ZNF180: variants seen among roughly 807,000 people sequenced by gnomAD.
The protein encoded by ZNF180 is zinc finger protein 180 (HHZ168).
ZNF180 carries 11 observed loss-of-function variants against 11.8 expected under a neutral mutation model. The observed-to-expected ratio is 0.93, with a 90% CI of 0.59 to 1.55. The LOEUF (loss-of-function observed/expected upper bound fraction) is 1.55. ZNF180 is among the 40% of genes most tolerant of loss of function. The pLI, the probability that ZNF180 is intolerant of heterozygous loss-of-function variation, is 0.00. For missense variants in ZNF180, 773 were observed against 781.7 expected, an observed-to-expected ratio of 0.99 and a Z score of 0.13; for synonymous variants, 287 against 257.7, an observed-to-expected ratio of 1.11 and a Z score of -1.09.
intron 1 of ZNF180, 121 bp downstream of exon 1, chr19:44,500,154 A>G: frequency 6.2e-7 from 1 of 1,613,944 alleles, no homozygotes; most frequent in Non-Finnish European, 8.5e-7. Context: ...ACCCGAGGCT[A>G]AAGCGCCACC....
intron 2 of ZNF180, among the ~76,000 whole-genome samples, chr19:44,494,316 G>A (rs775601440): frequency 4.6e-5 from 7 of 152,088 alleles, no homozygotes; most frequent in Non-Finnish European, 7.3e-5. Context: ...ACCATTAAGA[G>A]TCCCAGAAAA....
chr19:44,496,672 C>CAAAAAAAAAAAAA (rs55678572), intron 2 of ZNF180: 12 of 71,600 alleles, frequency 1.7e-4, no homozygotes, highest in East Asian at 5.6e-4. Flanking sequence ...GACTCTGTCT[C>CAAAAAAAAAAAAA]AAAAAAAAAA....
rs145500310 is a variant in ZNF180, at chr19:44,494,309, A to G, written c.51+2975T>C. On this transcript the variant is annotated intron_variant, in intron 2 of 4. Coordinates refer to ENST00000592529, the MANE Select transcript of ZNF180 (RefSeq NM_001278509.3). The stretch of plus-strand genomic sequence containing the variant: ...CAAAAAAGAAAATGGTAAAAGGACC[A>G]TTAAGAGTCCCAGAAAACACCTAGT... Among the ~76,000 whole-genome samples the G allele has an allele frequency of 6.0e-4, 91 of 152,318 alleles. No individual in the cohort carries two copies. In the East Asian group the frequency reaches 0.016, roughly 27 times the overall value.
rs570045272 is a variant in ZNF180 at position 44,475,628 on chromosome 19, T to A, written c.*774A>T. ...TCCTAAATAGTCAAAGAAGGAAATCTTTGTATTTCATTTTTGGCTTTGAAT... is the reference window on the plus strand; with the variant it reads ...TCCTAAATAGTCAAAGAAGGAAATCATTGTATTTCATTTTTGGCTTTGAAT... On this transcript the variant is annotated 3_prime_UTR_variant, in exon 5 of 5. Coordinates refer to ENST00000592529, the MANE Select transcript of ZNF180 (RefSeq NM_001278509.3). The A allele has an allele frequency of 6.6e-6, 1 of 152,350 alleles. No homozygotes were observed. Among genetic ancestry groups the A allele is most frequent in the South Asian group, 2.1e-4 (1 of 4,824 alleles). 9.4% of individuals were successfully genotyped at this position (152,350 alleles called of 1,614,324 possible).
intron 1 of ZNF180, among the ~76,000 whole-genome samples, chr19:44,498,428 T>C (rs1970646189): frequency 1.3e-5 from 2 of 152,102 alleles, no homozygotes; most frequent in African/African-American, 2.4e-5. Context: ...TTTCCTGAAA[T>C]TGCACCCAAA....
chr19:44,484,565 T>A (rs1970174047), intron 2 of ZNF180, 130 bp from the exon 3 acceptor site: 1 of 676,230 alleles, frequency 1.5e-6, no homozygotes, highest in Non-Finnish European at 2.7e-6. Flanking sequence ...ACCATATTTC[T>A]CCTCCCTCCT....
chr19:44,476,924 T>A lies in ZNF180; in HGVS notation c.1476A>T (p.Lys492Asn). 2.5e-6 allele frequency: 4 copies of A among 1,613,654 alleles called. No individual in the cohort carries two copies. Among genetic ancestry groups the A allele is most frequent in the Non-Finnish European group, 3.4e-6 (4 of 1,179,876 alleles). Residue 492 changes from lysine to asparagine, a missense_variant, in exon 5 of 5, where the codon AAA becomes AAT. Coordinates refer to ENST00000592529, the MANE Select transcript of ZNF180 (RefSeq NM_001278509.3). ...TCCCACACTGATTACATTCAAAGGG[T>A]TTTTCTCCTGTGTGAGTTCTCTGAT... ...VAHQRTHTGE[K>N]PFECNQCGKS...
chr19:44,480,253 G>C (rs971793913), intron 3 of ZNF180, among the ~76,000 whole-genome samples: 4 of 152,096 alleles, frequency 2.6e-5, no homozygotes, highest in Admixed American at 6.5e-5. Flanking sequence ...CTACAGGTGT[G>C]CATCACCGTG....
At chr19:44,497,018 T>G (rs1970606248) in intron 2 of ZNF180, among the ~76,000 whole-genome samples, 1 of 152,248 alleles carries the variant, frequency 6.6e-6, no homozygotes, top group Non-Finnish European at 1.5e-5. Flanking sequence ...TTCTCAAAGC[T>G]GTGAATTGCT....
intron 2 of ZNF180, among the ~76,000 whole-genome samples, chr19:44,493,469 T>C (rs1254373076): frequency 6.6e-6 from 1 of 152,212 alleles, no homozygotes; most frequent in Non-Finnish European, 1.5e-5. Flanking sequence ...GGTTCTAATA[T>C]CCTTCAGGTC....
chr19:44,490,615 C>T (rs1368858791), intron 2 of ZNF180, among the ~76,000 whole-genome samples: 1 of 151,872 alleles, frequency 6.6e-6, no homozygotes, highest in African/African-American at 2.4e-5. Flanking sequence ...TAAGTTATTA[C>T]AAACTCCTTC....
intron 2 of ZNF180, among the ~76,000 whole-genome samples, chr19:44,486,250 G>C (rs1328316533): frequency 6.6e-6 from 1 of 152,152 alleles, no homozygotes; most frequent in Non-Finnish European, 1.5e-5. Flanking sequence ...AATATGCACG[G>C]AAAAATCTGG....
chr19:44,500,186 C>A (rs749068181), intron 1 of ZNF180, 89 bp downstream of exon 1: 2 of 1,614,174 alleles, frequency 1.2e-6, no homozygotes, highest in Admixed American at 1.7e-5. Flanking sequence ...CAGGTCTCCC[C>A]GCTACACTCA....
chr19:44,480,719 T>C (rs1045310443), intron 3 of ZNF180, among the ~76,000 whole-genome samples: 4 of 152,230 alleles, frequency 2.6e-5, no homozygotes, highest in Non-Finnish European at 5.9e-5. Flanking sequence ...GGTAATTTTA[T>C]GCAATTTTTA....
Position 44,477,407 on chromosome 19 carries a change from A to C in ZNF180, c.993T>G (p.Cys331Trp). Residue 331 changes from cysteine to tryptophan, a missense_variant, in exon 5 of 5, where the codon TGT (cysteine) becomes TGG (tryptophan). By Grantham distance (215) the Cys-to-Trp change is radical. Coordinates refer to ENST00000592529, the MANE Select transcript of ZNF180 (RefSeq NM_001278509.3). ...SEEKPFECNQCGKSFSWSSHL... is the reference protein window; with the variant it reads ...SEEKPFECNQWGKSFSWSSHL... ...GCGAGCTCCAGCTGAAGGATTTCCC[A>C]CACTGATTACATTCAAAAGGTTTCT... 6.2e-7 allele frequency: 1 copy of C among 1,614,218 alleles called. No homozygotes were observed. The highest frequency in any genetic ancestry group is 1.3e-5 in the African/African-American group (1 of 75,072).
chr19:44,492,952 C>T (rs1418420866), intron 2 of ZNF180, among the ~76,000 whole-genome samples: 2 of 152,168 alleles, frequency 1.3e-5, no homozygotes, highest in Non-Finnish European at 2.9e-5. Context: ...GTGGGAGGCC[C>T]TGAGGTTTCT....
chr19:44,487,024 G>A (rs1288086079), intron 2 of ZNF180, among the ~76,000 whole-genome samples: 1 of 151,942 alleles, frequency 6.6e-6, no homozygotes, highest in Non-Finnish European at 1.5e-5. Flanking sequence ...GCCTGGGCAA[G>A]AGAGTGAGAC....
intron 1 of ZNF180, among the ~76,000 whole-genome samples, chr19:44,497,668 C>A (rs1970627238): frequency 6.6e-6 from 1 of 152,136 alleles, no homozygotes; most frequent in Non-Finnish European, 1.5e-5. Flanking sequence ...CTGCCCACCA[C>A]CAAAGTCTGC....
chr19:44,476,782 G>A lies in ZNF180; in HGVS notation c.1618C>T (p.His540Tyr), dbSNP rs1969898639. 1.9e-6 allele frequency: 3 copies of A among 1,613,988 alleles called. No homozygotes were observed. Among genetic ancestry groups the A allele is most frequent in the African/African-American group, 1.3e-5 (1 of 74,914 alleles). ...TTTTCCCCAGTGTGAATTCTCTGATGCATAACAAGGTGAGAACTGCGGTTA... is the reference window on the plus strand; with the variant it reads ...TTTTCCCCAGTGTGAATTCTCTGATACATAACAAGGTGAGAACTGCGGTTA... ...SFNRSSHLVM[H>Y]QRIHTGEKPY... Residue 540 changes from histidine (H) to tyrosine (Y), a missense_variant, in exon 5 of 5, where the codon CAT (histidine) becomes TAT (tyrosine). Coordinates refer to ENST00000592529, the MANE Select transcript of ZNF180 (RefSeq NM_001278509.3).
Sources: gnomAD v4.1 joint callset for allele counts (sites outside exome capture counted in the v4.1 genomes callset) on GRCh38, gnomAD v4.1.1 for gene constraint, MANE v1.5 for transcripts, NCBI Gene and HGNC (gene_info 2026-07-23, HGNC 2026-07-21) for gene names.